NLRP3: variants seen among roughly 807,000 people sequenced by gnomAD.
NLRP3 encodes the protein NACHT, LRR and PYD domains-containing protein 3.
In NLRP3, 48 loss-of-function variants were observed where a neutral mutation model predicts 91.3. The observed-to-expected ratio is 0.53, with a 90% CI of 0.42 to 0.67. The LOEUF (loss-of-function observed/expected upper bound fraction) is 0.67. Among genes scored for constraint, NLRP3 ranks in the 30% least tolerant of loss-of-function variants. The pLI is 0.00. For missense variants in NLRP3, 982 were observed against 1,276.9 expected, an observed-to-expected ratio of 0.77 and a Z score of 3.52; for synonymous variants, 561 against 507.9, an observed-to-expected ratio of 1.10 and a Z score of -1.41.
At chr1:247,432,855 C>T (rs1475819383) in intron 5 of NLRP3, among the ~76,000 whole-genome samples, 4 of 151,500 alleles carry the variant, frequency 2.6e-5, no homozygotes, top group Non-Finnish European at 4.4e-5. Flanking sequence ...TAGTGATGTG[C>T]GTGTGTGTTT....
At chr1:247,448,360 A>G in intron 9 of NLRP3, 45 bp from the exon 10 acceptor site, 1 of 940,920 alleles carries the variant, frequency 1.1e-6, no homozygotes. Context: ...ACTCTGACAG[A>G]GTTATCTGAA....
rs1664435911 is a variant in NLRP3, at chr1:247,444,150, C to T, written c.2834+8C>T. The T allele has an allele frequency of 1.2e-6, 2 of 1,613,992 alleles. No homozygotes were observed. The highest frequency in any genetic ancestry group is 1.7e-6 in the Non-Finnish European group (2 of 1,180,002). ...CAAGCTTCAGGTGTTGGAGTAAGTCCTTTGGTTTATTACAGCAATGAGAAC... is the reference window on the plus strand; with the variant it reads ...CAAGCTTCAGGTGTTGGAGTAAGTCTTTTGGTTTATTACAGCAATGAGAAC... On this transcript the variant is annotated splice_region_variant and intron_variant, in intron 8 of 9. Coordinates refer to ENST00000336119, the MANE Select transcript of NLRP3 (RefSeq NM_001243133.2).
At chr1:247,435,840 C>T in intron 6 of NLRP3, 130 bp from the exon 7 acceptor site, 1 of 835,968 alleles carries the variant, frequency 1.2e-6, no homozygotes, top group Non-Finnish European at 2.0e-6. Context: ...CAGAAGTGTA[C>T]ATAGAGCTTG....
chr1:247,437,697 G>T (rs564799743), intron 7 of NLRP3, among the ~76,000 whole-genome samples: 1 of 152,212 alleles, frequency 6.6e-6, no homozygotes, highest in Non-Finnish European at 1.5e-5. Context: ...TTTCACAACC[G>T]TTCTTTTAGG....
Position 247,424,077 on chromosome 1 carries a change from G to A in NLRP3, c.628G>A (p.Asp210Asn), listed in dbSNP as rs372038150. ...TAAGATGGAGTTGCTGTTTGACCCC[G>A]ATGATGAGCATTCTGAGCCTGTGCA... The part of the protein sequence containing the change: ...PIKMELLFDP[D>N]DEHSEPVHTV... The change falls in exon 4 of 10, where the codon GAT becomes AAT. Residue 210 changes from aspartate (D) to asparagine (N), a missense_variant. By Grantham distance (23) the Asp-to-Asn change is conservative. Around this residue, in one of 5 missense-constraint regions of NLRP3, gnomAD observed 548 missense variants for 713.7 expected, o/e 0.77. Coordinates refer to ENST00000336119, the MANE Select transcript of NLRP3 (RefSeq NM_001243133.2). This position sits in a 1 kb window ranked among gnomAD's most constrained non-coding sequence, Gnocchi z 8.1. 8.1e-6 allele frequency: 13 copies of A among 1,613,980 alleles called. No homozygotes were observed. Among genetic ancestry groups the A allele is most frequent in the African/African-American group, 6.7e-5 (5 of 74,894 alleles).
chr1:247,444,546 T>C (rs991494123), intron 8 of NLRP3, 105 bp from the exon 9 acceptor site: 38 of 653,660 alleles, frequency 5.8e-5, no homozygotes, highest in Non-Finnish European at 8.3e-5. Flanking sequence ...GCTCCTGTGC[T>C]TTTTTTTTTT....
In NLRP3 at chr1:247,424,227, C is replaced by T. The variant is rs121908150; in HGVS notation, c.778C>T (p.Arg260Ter). 2 of 1,613,990 alleles carry T rather than the reference C, an allele frequency of 1.2e-6. No homozygotes were observed. The highest frequency in any genetic ancestry group is 1.7e-6 in the Non-Finnish European group (2 of 1,179,998). The change falls in exon 4 of 10, where the codon CGA (arginine) becomes TGA (stop). Residue 260 changes from arginine to a stop codon, truncating the protein, a stop_gained. Coordinates refer to ENST00000336119, the MANE Select transcript of NLRP3 (RefSeq NM_001243133.2). LOFTEE classifies it high-confidence loss of function. The surrounding 1 kb of genome is among the most constrained non-coding windows in gnomAD (Gnocchi z 8.1). ...RFDYLFYIHC[R>*]EVSLVTQRSL... ...TGACTATCTGTTCTATATCCACTGT[C>T]GAGAGGTGAGCCTTGTGACACAGAG...
intron 2 of NLRP3, among the ~76,000 whole-genome samples, chr1:247,421,185 A>G (rs995875946): frequency 1.3e-5 from 2 of 152,194 alleles, no homozygotes; most frequent in African/African-American, 4.8e-5. Flanking sequence ...AGGGCAGGGT[A>G]TTGCAGGATG....
rs1356699787 is a variant in NLRP3, at chr1:247,425,946, T to C, written c.2150+347T>C. ...GTGCCTAAGAGTCAGTCAATGTCTG[T>C]GGGGCAGAACAATGCCAGAGAGTCT... is the stretch of plus-strand genomic sequence containing the variant. On this transcript the variant is annotated intron_variant, in intron 4 of 9. Coordinates refer to ENST00000336119, the MANE Select transcript of NLRP3 (RefSeq NM_001243133.2). The surrounding 1 kb of genome is among the most constrained non-coding windows in gnomAD (Gnocchi z 4.1). 2.0e-5 allele frequency among the ~76,000 whole-genome samples: 3 copies of C among 152,160 alleles called. No individual in the cohort carries two copies. Among genetic ancestry groups the C allele is most frequent in the Non-Finnish European group, 4.4e-5 (3 of 68,032 alleles).
chr1:247,438,378 G>GTTTTTTTTT (rs74163772), intron 7 of NLRP3, among the ~76,000 whole-genome samples: 6 of 71,918 alleles, frequency 8.3e-5, no homozygotes, highest in East Asian at 4.6e-4. Context: ...GTTTAGTTGT[G>GTTTTTTTTT]TTTTTTTTTT....
chr1:247,433,920 C>A (rs949644302), intron 5 of NLRP3, among the ~76,000 whole-genome samples, 183 bp from the exon 6 acceptor site: 1 of 116,054 alleles, frequency 8.6e-6, no homozygotes, highest in Non-Finnish European at 1.8e-5. Context: ...TTCTCTATTC[C>A]GGAGCTCTCT....
At chr1:247,447,083 T>C (rs1410050587) in intron 9 of NLRP3, among the ~76,000 whole-genome samples, 1 of 152,202 alleles carries the variant, frequency 6.6e-6, no homozygotes, top group Non-Finnish European at 1.5e-5. Context: ...AATCCATGAA[T>C]GCAATCAACC....
intron 7 of NLRP3, among the ~76,000 whole-genome samples, chr1:247,443,481 A>G (rs1664370900): frequency 6.6e-6 from 1 of 151,882 alleles, no homozygotes; most frequent in East Asian, 1.9e-4. Flanking sequence ...GAAGGTCACA[A>G]TGGACGTTCA....
chr1:247,439,748 C>T (rs1488274745), intron 7 of NLRP3, among the ~76,000 whole-genome samples: 1 of 152,072 alleles, frequency 6.6e-6, no homozygotes, highest in East Asian at 1.9e-4. Flanking sequence ...ATCCTTTTTT[C>T]ATTTATCATG....
chr1:247,442,174 T>C (rs1301702292), intron 7 of NLRP3, among the ~76,000 whole-genome samples: 1 of 152,228 alleles, frequency 6.6e-6, no homozygotes, highest in Non-Finnish European at 1.5e-5. Flanking sequence ...GTCTTTTCAG[T>C]TTGACTCTTC....
rs190646556 is a variant in NLRP3 at position 247,432,041 on chromosome 1, C to T, written c.2322-2062C>T. On this transcript the variant is annotated intron_variant, in intron 5 of 9. Transcript: ENST00000336119. ...TTGGGATTACAGGCATGGGCCACCA[C>T]GCCCAGCTGATTTTTGTATTTTTAG... Among the ~76,000 whole-genome samples, 173 of 152,226 alleles carry T rather than the reference C, an allele frequency of 1.1e-3. 1 individual carries two copies. The highest frequency in any genetic ancestry group is 3.4e-3 in the African/African-American group (142 of 41,530).
At chr1:247,429,391 GA>G (rs1284022727) in intron 4 of NLRP3, among the ~76,000 whole-genome samples, 193 bp from the exon 5 acceptor site, 3 of 152,160 alleles carry the variant, frequency 2.0e-5, no homozygotes, top group Admixed American at 2.0e-4. Flanking sequence ...CGTCCGAGAG[GA>G]GGCAGAACTG....
In NLRP3 at chr1:247,434,121, C is replaced by T; in HGVS notation, c.2340C>T (p.Leu780=). Residue 780 remains leucine, a synonymous_variant, in exon 6 of 10, where the codon CTC becomes CTT. Transcript: ENST00000336119. ...CATGAAGGTTGGGGCGCTGTGGCCT[C>T]TCGCATGAGTGCTGCTTCGACATCT... ...IRRLWLGRCG[L]SHECCFDISL... is the part of the protein sequence containing the mutation. 6.8e-7 allele frequency: 1 copy of T among 1,463,720 alleles called. No individual in the cohort carries two copies. Among genetic ancestry groups the T allele is most frequent in the Non-Finnish European group, 9.1e-7 (1 of 1,092,946 alleles). 90.7% of individuals were successfully genotyped at this position (1,463,720 alleles called of 1,614,324 possible). A position where few individuals can be genotyped will look rare whatever the true frequency, so the allele number is the denominator to read the frequency against.
chr1:247,429,681 T>G lies in NLRP3; in HGVS notation c.2247T>G (p.Asn749Lys), dbSNP rs151043442. 1 of 1,614,008 alleles carries G rather than the reference T, an allele frequency of 6.2e-7. No homozygotes were observed. The highest frequency in any genetic ancestry group is 1.3e-5 in the African/African-American group (1 of 74,898). ...QSLTELDLSD[N>K]SLGDPGMRVL... ...TAACTGAATTGGACCTCAGTGACAA[T>G]TCTCTGGGGGACCCAGGGATGAGAG... Residue 749 changes from asparagine (N) to lysine (K), a missense_variant, in exon 5 of 10, where the codon AAT (asparagine) becomes AAG (lysine). This residue lies in a region of NLRP3 where 373 missense variants were observed against 431.5 expected (regional missense o/e 0.86). Coordinates refer to ENST00000336119, the MANE Select transcript of NLRP3 (RefSeq NM_001243133.2).
Sources: gnomAD v4.1 joint callset for allele counts (sites outside exome capture counted in the v4.1 genomes callset) on GRCh38, gnomAD v4.1.1 for gene constraint, gnomAD v4.1.1 regional missense constraint, Gnocchi (gnomAD v3.1) non-coding constraint, MANE v1.5 for transcripts, NCBI Gene and HGNC (gene_info 2026-07-23, HGNC 2026-07-21) for gene names.